ZC3H12B: variants seen among roughly 807,000 people sequenced by gnomAD.
ZC3H12B encodes the protein zinc finger CCCH-type containing 12B, also known as probable ribonuclease ZC3H12B.
In ZC3H12B, 7 loss-of-function variants were observed where a neutral mutation model predicts 43.9. The observed-to-expected ratio is 0.16, with a 90% confidence interval of 0.09 to 0.30. The LOEUF (loss-of-function observed/expected upper bound fraction) is 0.30. ZC3H12B is among the 10% of genes least tolerant of loss of function. The pLI is 1.00. For missense variants in ZC3H12B, 475 were observed against 670.2 expected (o/e 0.71, Z 3.22); for synonymous variants, 222 against 241.7 (o/e 0.92, Z 0.76).
At chrX:65,342,399 C>T in the ZC3H12B span, among the ~76,000 whole-genome samples, 12 of 111,707 alleles carry the variant, frequency 1.1e-4, no homozygotes, top group Middle Eastern at 4.7e-3. Context: ...AAATCGACCA[C>T]GTAATTGGAC....
upstream of ZC3H12B, among the ~76,000 whole-genome samples, chrX:65,364,184 T>G (rs184922963): frequency 2.6e-3 from 294 of 111,022 alleles, 1 homozygote; most frequent in African/African-American, 9.2e-3. Flanking sequence ...GCTACCGCTC[T>G]GCCCCGCTCC....
the ZC3H12B span, among the ~76,000 whole-genome samples, chrX:65,044,053 G>A: frequency 8.9e-6 from 1 of 111,785 alleles, no homozygotes; most frequent in Non-Finnish European, 1.9e-5. Flanking sequence ...GTTACAGACA[G>A]TGAATAAGCA....
chrX:65,228,720 G>C, the ZC3H12B span, among the ~76,000 whole-genome samples: 4 of 111,841 alleles, frequency 3.6e-5, no homozygotes, highest in African/African-American at 9.8e-5. Context: ...AAAATCACAA[G>C]CATTCTTATA....
At chrX:65,036,012 A>G in the ZC3H12B span, among the ~76,000 whole-genome samples, 4 of 111,175 alleles carry the variant, frequency 3.6e-5, no homozygotes, top group Admixed American at 3.8e-4. Flanking sequence ...AATATCCCCA[A>G]TAAAAGCGAG....
At chrX:65,157,559 A>G in the ZC3H12B span, among the ~76,000 whole-genome samples, 1 of 110,750 alleles carries the variant, frequency 9.0e-6, no homozygotes, top group Non-Finnish European at 1.9e-5. Context: ...ATTTTTCCCC[A>G]CTGTTTTTAC....
chrX:65,347,801 G>T, the ZC3H12B span, among the ~76,000 whole-genome samples: 1 of 112,091 alleles, frequency 8.9e-6, no homozygotes, highest in African/African-American at 3.2e-5. Context: ...GTTTATTGTG[G>T]CACTATTCAC....
At chrX:65,311,799 G>A in the ZC3H12B span, among the ~76,000 whole-genome samples, 1 of 111,671 alleles carries the variant, frequency 9.0e-6, no homozygotes, top group Non-Finnish European at 1.9e-5. Flanking sequence ...ATACACCATG[G>A]AATACTATGC....
the ZC3H12B span, among the ~76,000 whole-genome samples, chrX:65,288,107 G>A: frequency 9.1e-5 from 10 of 109,756 alleles, no homozygotes; most frequent in East Asian, 1.7e-3. Context: ...AATATTTAAC[G>A]AGGAAGATAC....
the ZC3H12B span, among the ~76,000 whole-genome samples, chrX:65,168,151 A>T: frequency 8.9e-6 from 1 of 111,873 alleles, no homozygotes; most frequent in African/African-American, 3.2e-5. Flanking sequence ...TTGCCCATTT[A>T]GTATGATATT....
At chrX:65,345,469 T>C in the ZC3H12B span, among the ~76,000 whole-genome samples, 1 of 111,764 alleles carries the variant, frequency 8.9e-6, no homozygotes. Flanking sequence ...TATAGCTTGT[T>C]CTCACTTATA....
chrX:65,057,372 G>A, the ZC3H12B span, among the ~76,000 whole-genome samples: 23 of 111,441 alleles, frequency 2.1e-4, no homozygotes, highest in Non-Finnish European at 4.0e-4. Flanking sequence ...TGAAATTCTG[G>A]GTTGAAAATT....
chrX:65,500,607 T>C (rs971971298), intron 4 of ZC3H12B, among the ~76,000 whole-genome samples: 6 of 111,116 alleles, frequency 5.4e-5, no homozygotes, highest in African/African-American at 1.6e-4. Flanking sequence ...TTTGTATTTT[T>C]AGTAGAGACG....
At chrX:65,362,602 G>A (rs1287916424), upstream of ZC3H12B, among the ~76,000 whole-genome samples, 1 of 109,582 alleles carries the variant, frequency 9.1e-6, no homozygotes, top group African/African-American at 3.3e-5. Flanking sequence ...CACAAGTATA[G>A]GACATCTCTA....
At chrX:65,226,657 C>T in the ZC3H12B span, among the ~76,000 whole-genome samples, 3 of 110,416 alleles carry the variant, frequency 2.7e-5, no homozygotes, top group South Asian at 3.9e-4. Context: ...CAGAGACACA[C>T]ATAGACTCAA....
At chrX:65,476,271 C>T (rs2148205052) in intron 3 of ZC3H12B, among the ~76,000 whole-genome samples, 1 of 111,579 alleles carries the variant, frequency 9.0e-6, no homozygotes, top group South Asian at 3.7e-4. Flanking sequence ...TCTTGTAAGT[C>T]ACGCAGACTT....
chrX:65,034,835 A>C, the ZC3H12B span: 1 of 113,075 alleles, frequency 8.8e-6, no homozygotes, highest in Admixed American at 9.2e-5. Flanking sequence ...CAGAGGCGCC[A>C]GAGGAGGAGG....
At chrX:65,038,857 G>T in the ZC3H12B span, among the ~76,000 whole-genome samples, 1 of 111,352 alleles carries the variant, frequency 9.0e-6, no homozygotes, top group African/African-American at 3.3e-5. Flanking sequence ...AGTTTTAAAA[G>T]AATTACCATA....
At chrX:65,300,058 T>A in the ZC3H12B span, among the ~76,000 whole-genome samples, 2 of 112,129 alleles carry the variant, frequency 1.8e-5, no homozygotes, top group African/African-American at 6.5e-5. Flanking sequence ...GGTGTTTGGG[T>A]AGGGCTGCCA....
the ZC3H12B span, among the ~76,000 whole-genome samples, chrX:65,094,639 C>G: frequency 2.7e-5 from 3 of 112,439 alleles, no homozygotes; most frequent in African/African-American, 9.7e-5. Flanking sequence ...TGGTACTAAA[C>G]TGTACTAGCA....
Sources: gnomAD v4.1 joint callset for allele counts (sites outside exome capture counted in the v4.1 genomes callset) on GRCh38, gnomAD v4.1.1 for gene constraint, MANE v1.5 for transcripts, NCBI Gene and HGNC (gene_info 2026-07-23, HGNC 2026-07-21) for gene names.